The following AVL9 variants were observed in gnomAD, a reference collection of about 807,000 sequenced individuals.
AVL9 encodes the protein AVL9 cell migration associated, also known as late secretory pathway protein AVL9 homolog.
AVL9 carries 49 observed loss-of-function variants against 79.2 expected under a neutral mutation model. That is an observed-to-expected ratio of 0.62 (90% CI 0.49 to 0.79). AVL9 has a LOEUF of 0.79. AVL9 is among the 30% of genes least tolerant of loss of function. AVL9 has a pLI of 0.00. For missense variants in AVL9, 682 were observed against 776.8 expected, an observed-to-expected ratio of 0.88 and a Z score of 1.45; for synonymous variants, 299 against 280.6, an observed-to-expected ratio of 1.07 and a Z score of -0.65.
intron 12 of AVL9, among the ~76,000 whole-genome samples, chr7:32,574,353 C>A (rs938584218): frequency 2.0e-5 from 3 of 152,030 alleles, no homozygotes; most frequent in Non-Finnish European, 4.4e-5. Context: ...AACAAGCCCT[C>A]GTTTGTTAAT....
At chr7:32,523,736 C>CTTTTT (rs57458179) in intron 1 of AVL9, among the ~76,000 whole-genome samples, 16 of 125,490 alleles carry the variant, frequency 1.3e-4, no homozygotes, top group East Asian at 2.3e-4. Context: ...CTTTTCTTTT[C>CTTTTT]TTTTTTTTTT....
In AVL9 at chr7:32,588,155, C is replaced by T. The variant is rs1791879945; in HGVS notation, c.*4248C>T. ...TCTTATTTTTCATCAGGTTCTCACA[C>T]CCACGTAGTATGCTGCTCAAATTTT... On this transcript the variant is annotated 3_prime_UTR_variant, in exon 16 of 16. Transcript: ENST00000318709. The T allele has an allele frequency of 2.0e-5, 3 of 152,138 alleles. No homozygotes were observed. The highest frequency in any genetic ancestry group is 2.0e-4 in the Admixed American group (3 of 15,262). 9.4% of individuals were successfully genotyped at this position (152,138 alleles called of 1,614,324 possible).
At chr7:32,543,953 G>A (rs57991351) in intron 2 of AVL9, among the ~76,000 whole-genome samples, 9,693 of 147,556 alleles carry the variant, frequency 0.066, 383 homozygotes, top group Non-Finnish European at 0.087. Context: ...ATGTTGCCCT[G>A]TTGCCCAGGC....
intron 10 of AVL9, among the ~76,000 whole-genome samples, chr7:32,563,018 A>G (rs910404367): frequency 2.0e-5 from 3 of 152,032 alleles, no homozygotes; most frequent in Non-Finnish European, 2.9e-5. Context: ...ATCCTTCCAT[A>G]TATGGTTTTT....
intron 7 of AVL9, among the ~76,000 whole-genome samples, chr7:32,554,200 T>C (rs1037671886): frequency 6.6e-6 from 1 of 152,174 alleles, no homozygotes; most frequent in Non-Finnish European, 1.5e-5. Flanking sequence ...TATAAACACA[T>C]TGATTATTTA....
At chr7:32,558,880 C>T (rs1790201034) in intron 9 of AVL9, 49 bp from the exon 10 acceptor site, 1 of 1,473,420 alleles carries the variant, frequency 6.8e-7, no homozygotes, top group African/African-American at 1.4e-5. Context: ...CTCTCAGGTT[C>T]TTCCATATTA....
In AVL9 at chr7:32,573,220, A is replaced by T. The variant is rs760888032; in HGVS notation, c.1372A>T (p.Ile458Phe). ...CTAGGTAGAAGAAGCTCTGATCCAG[A>T]TCCATGATCCAGAACTCAGGAAGCT... ...IVEVEEALIQ[I>F]HDPELRKLLN... Residue 458 changes from isoleucine (I) to phenylalanine (F), a missense_variant, in exon 12 of 16, where the codon ATC becomes TTC. Physicochemically the swap from Ile to Phe is conservative, Grantham distance 21. Coordinates refer to ENST00000318709, the MANE Select transcript of AVL9 (RefSeq NM_015060.3). The T allele has an allele frequency of 1.2e-6, 2 of 1,613,886 alleles. No homozygotes were observed. The highest frequency in any genetic ancestry group is 4.5e-5 in the East Asian group (2 of 44,886).
Position 32,586,458 on chromosome 7 carries a change from G to A in AVL9, c.*2551G>A. On this transcript the variant is annotated 3_prime_UTR_variant, in exon 16 of 16. Transcript: ENST00000318709. ...GGCAGGAAGCCTCACCCCTGGTCCT[G>A]TGACCCCCCCCCCCCACACACACAC... 1 of 39,464 alleles carries A rather than the reference G, an allele frequency of 2.5e-5. No homozygotes were observed. Among genetic ancestry groups the A allele is most frequent in the South Asian group, 7.6e-4 (1 of 1,318 alleles). 2.4% of individuals were successfully genotyped at this position (39,464 alleles called of 1,614,324 possible). A position where few individuals can be genotyped will look rare whatever the true frequency, so the allele number is the denominator to read the frequency against.
chr7:32,583,038 A>G (rs902978908), intron 15 of AVL9, among the ~76,000 whole-genome samples: 1 of 152,212 alleles, frequency 6.6e-6, no homozygotes, highest in Admixed American at 6.5e-5. Flanking sequence ...TGGGGCAGAT[A>G]GAGCTCTATA....
intron 1 of AVL9, among the ~76,000 whole-genome samples, chr7:32,496,567 A>G (rs1786823994): frequency 6.6e-6 from 1 of 152,238 alleles, no homozygotes; most frequent in African/African-American, 2.4e-5. Context: ...CAAGAGAACA[A>G]AATAGAAACA....
Position 32,559,370 on chromosome 7 carries a change from C to T in AVL9, c.1121C>T (p.Pro374Leu). ...GAGAGTCTTCCAATTACTGTACAAC[C>T]TCAAGCTAATACGGGACAGGTAGTC... ...PSESLPITVQ[P>L]QANTGQVVLI... The change falls in exon 10 of 16, where the codon CCT (proline) becomes CTT (leucine). Residue 374 changes from proline to leucine, a missense_variant. Pro to Leu is a moderately conservative substitution (Grantham distance 98). Transcript: ENST00000318709. 6.2e-7 allele frequency: 1 copy of T among 1,614,020 alleles called. No individual in the cohort carries two copies. The highest frequency in any genetic ancestry group is 8.5e-7 in the Non-Finnish European group (1 of 1,180,008).
In AVL9 at chr7:32,506,678, C is replaced by G. The variant is rs7797958; in HGVS notation, c.93+10876C>G. On this transcript the variant is annotated intron_variant, in intron 1 of 15. Transcript: ENST00000318709. ...CTGTAATCCCAGCACTTCGGGAGGCCAAACGGGAGGATTACCTGAGGCCAC... is the reference window on the plus strand; with the variant it reads ...CTGTAATCCCAGCACTTCGGGAGGCGAAACGGGAGGATTACCTGAGGCCAC... 7.1e-3 allele frequency among the ~76,000 whole-genome samples: 1,077 copies of G among 151,586 alleles called. 13 individuals carry two copies. The highest frequency in any genetic ancestry group is 0.024 in the African/African-American group (1,009 of 41,276).
chr7:32,577,105 G>A (rs993467399), intron 13 of AVL9, among the ~76,000 whole-genome samples: 2 of 152,120 alleles, frequency 1.3e-5, no homozygotes, highest in Admixed American at 6.6e-5. Flanking sequence ...AGGCTGAGGC[G>A]GGTGGATCAC....
intron 1 of AVL9, among the ~76,000 whole-genome samples, chr7:32,499,814 T>G (rs909238485): frequency 3.3e-5 from 5 of 152,186 alleles, no homozygotes; most frequent in Admixed American, 2.0e-4. Flanking sequence ...TTCTCATTGT[T>G]CAACTCCCAC....
At chr7:32,502,406 A>AAAAAAAAAG (rs201243248) in intron 1 of AVL9, among the ~76,000 whole-genome samples, 18,838 of 138,266 alleles carry the variant, frequency 0.14, 1,523 homozygotes, top group Admixed American at 0.22. Flanking sequence ...AAAAAAAAAA[A>AAAAAAAAAG]AAAGAAAGAA....
At chr7:32,553,424 A>C (rs529617939) in intron 6 of AVL9, among the ~76,000 whole-genome samples, 30 of 152,316 alleles carry the variant, frequency 2.0e-4, no homozygotes, top group African/African-American at 7.2e-4. Context: ...AAATTAATAA[A>C]ATTTTAATAA....
At chr7:32,583,705 T>G in intron 15 of AVL9, 87 bp from the exon 16 acceptor site, 2 of 823,720 alleles carry the variant, frequency 2.4e-6, no homozygotes, top group Non-Finnish European at 3.8e-6. Context: ...AATTTTTAAT[T>G]AAAAATGTAT....
intron 6 of AVL9, 26 bp from the exon 7 acceptor site, chr7:32,553,701 C>A: frequency 6.3e-7 from 1 of 1,596,344 alleles, no homozygotes; most frequent in Non-Finnish European, 8.6e-7. Context: ...TGTAGTCACA[C>A]TTGAGCTTTT....
chr7:32,530,529 C>T (rs1484099930), intron 1 of AVL9, among the ~76,000 whole-genome samples: 3 of 152,166 alleles, frequency 2.0e-5, no homozygotes, highest in Admixed American at 6.5e-5. Flanking sequence ...GAGATTAATA[C>T]TTAGTAGGGT....
Sources: allele counts gnomAD v4.1 joint callset (sites outside exome capture counted in the v4.1 genomes callset), GRCh38; gene constraint gnomAD v4.1.1; transcripts MANE v1.5; gene names NCBI Gene and HGNC (gene_info 2026-07-23, HGNC 2026-07-21).